Variants in RTKN2 observed in about 807,000 individuals in gnomAD.
RTKN2 encodes rhotekin 2.
Under a neutral mutation model 71.5 loss-of-function variants are expected in RTKN2, and 69 were observed. The ratio of observed to expected loss-of-function variants is 0.96; its 90% CI spans 0.79 to 1.18. The LOEUF (loss-of-function observed/expected upper bound fraction) is 1.18. Ranked by LOEUF, RTKN2 falls within the 50% of genes most tolerant of loss-of-function variation. The pLI, the probability that RTKN2 is intolerant of heterozygous loss-of-function variation, is 0.00. For missense variants in RTKN2, 724 were observed against 719.7 expected, an observed-to-expected ratio of 1.01 and a Z score of -0.07; for synonymous variants, 236 against 236.5, an observed-to-expected ratio of 1.00 and a Z score of 0.02.
chr10:62,266,376 T>C (rs1022259680), intron 1 of RTKN2, among the ~76,000 whole-genome samples: 3 of 152,148 alleles, frequency 2.0e-5, no homozygotes, highest in Non-Finnish European at 4.4e-5. Flanking sequence ...AAACTATGAT[T>C]CACCTAATGG....
At chr10:62,223,823 A>G (rs921180531) in intron 6 of RTKN2, among the ~76,000 whole-genome samples, 1 of 152,178 alleles carries the variant, frequency 6.6e-6, no homozygotes, top group Admixed American at 6.5e-5. Flanking sequence ...TCTGATATAT[A>G]CCCAAAAGAA....
chr10:62,190,964 T>C (rs113152397), downstream of RTKN2, among the ~76,000 whole-genome samples: 1,437 of 152,230 alleles, frequency 9.4e-3, 20 homozygotes, highest in African/African-American at 0.031. Context: ...TTCATTCCTT[T>C]CCACTTCTAT....
chr10:62,208,700 A>C (rs1342077559), intron 9 of RTKN2, among the ~76,000 whole-genome samples: 1 of 152,092 alleles, frequency 6.6e-6, no homozygotes, highest in Non-Finnish European at 1.5e-5. Context: ...AACAAAAAAA[A>C]CCCCAAGCAC....
chr10:62,193,170 T>C lies in RTKN2; in HGVS notation c.*4738A>G. 1.3e-6 allele frequency: 1 copy of C among 775,402 alleles called. No individual in the cohort carries two copies. The highest frequency in any genetic ancestry group is 1.6e-6 in the Non-Finnish European group (1 of 638,542). The allele number at this position is 775,402 out of a possible 1,614,324, so 48.0% of individuals were successfully genotyped here. A position where few individuals can be genotyped will look rare whatever the true frequency, so the allele number is the denominator to read the frequency against. ...GTAGATAAACAAAATATAAAAATAT[T>C]TTTAAGCAAGACACCAAAAAGTATT... On this transcript the variant is annotated 3_prime_UTR_variant, in exon 12 of 12. Transcript: ENST00000373789.
At chr10:62,240,028 A>C (rs186555162) in intron 4 of RTKN2, among the ~76,000 whole-genome samples, 2 of 152,096 alleles carry the variant, frequency 1.3e-5, no homozygotes, top group African/African-American at 4.8e-5. Context: ...CAAACTCATA[A>C]ATTTTATTCC....
chr10:62,217,252 G>GAAAAAA lies in RTKN2; in HGVS notation c.889-9_889-4dup. On this transcript the variant is annotated splice_region_variant and splice_polypyrimidine_tract_variant and intron_variant, in intron 8 of 11. Transcript: ENST00000373789. ...CTAATCAGACCTTCTACCATTTGCT[G>GAAAAAA]AAAAAAAAAAAAAAAAAATCAAGAG... The GAAAAAA allele has an allele frequency of 7.8e-7, 1 of 1,287,180 alleles. No individual in the cohort carries two copies. The highest frequency in any genetic ancestry group is 2.7e-5 in the Admixed American group (1 of 37,716). The allele number at this position is 1,287,180 out of a possible 1,614,324, so 79.7% of individuals were successfully genotyped here. A position where few individuals can be genotyped will look rare whatever the true frequency, so the allele number is the denominator to read the frequency against.
At chr10:62,226,885 C>T (rs759184034) in intron 6 of RTKN2, among the ~76,000 whole-genome samples, 10 of 152,108 alleles carry the variant, frequency 6.6e-5, no homozygotes, top group African/African-American at 1.4e-4. Context: ...TGCTTGAACC[C>T]GGGAGGCGGA....
downstream of RTKN2, among the ~76,000 whole-genome samples, chr10:62,191,810 T>C (rs377677588): frequency 5.9e-5 from 9 of 152,176 alleles, no homozygotes; most frequent in African/African-American, 2.2e-4. Flanking sequence ...TAAACTTTTA[T>C]GCACTGTGAG....
chr10:62,258,128 G>A (rs1842707832), intron 2 of RTKN2, among the ~76,000 whole-genome samples: 1 of 152,154 alleles, frequency 6.6e-6, no homozygotes, highest in African/African-American at 2.4e-5. Flanking sequence ...AATGATATTA[G>A]TGATTTCTTA....
intron 7 of RTKN2, among the ~76,000 whole-genome samples, chr10:62,221,472 A>T (rs1841905689): frequency 6.6e-6 from 1 of 152,092 alleles, no homozygotes; most frequent in Non-Finnish European, 1.5e-5. Flanking sequence ...AGCTTCGGTA[A>T]AAAAAAGATT....
intron 6 of RTKN2, among the ~76,000 whole-genome samples, chr10:62,232,107 G>T (rs189755859): frequency 6.6e-6 from 1 of 152,050 alleles, no homozygotes; most frequent in Non-Finnish European, 1.5e-5. Context: ...CAAATGGCAC[G>T]CAAGATTCAA....
chr10:62,185,726 A>G (rs1841125393), intron 8 of RTKN2, among the ~76,000 whole-genome samples: 1 of 152,218 alleles, frequency 6.6e-6, no homozygotes, highest in Admixed American at 6.5e-5. Context: ...GACCCGGTTA[A>G]CCTGACATCT....
At position 62,241,792 on chromosome 10, in the gene RTKN2, G is replaced by A. The variant is rs183225254; in HGVS notation, c.317-597C>T. 2.2e-4 allele frequency among the ~76,000 whole-genome samples: 33 copies of A among 152,194 alleles called. 1 individual carries two copies. The East Asian group carries it at 3.9e-3, about 18-fold the overall frequency. Reference sequence around the variant, plus strand: ...CAGCTCACTGCAACCTCCGCCTCCTGGGTTTAAGTGATTCTCCAGCCTCAG... The same window carrying A: ...CAGCTCACTGCAACCTCCGCCTCCTAGGTTTAAGTGATTCTCCAGCCTCAG... On this transcript the variant is annotated intron_variant, in intron 3 of 11. Coordinates refer to ENST00000373789, the MANE Select transcript of RTKN2 (RefSeq NM_145307.4).
intron 1 of RTKN2, 113 bp from the exon 2 acceptor site, chr10:62,262,934 G>A: frequency 1.7e-6 from 1 of 601,972 alleles, no homozygotes; most frequent in South Asian, 2.6e-5. Flanking sequence ...AAGCAACAAA[G>A]TTTTAATATA....
chr10:62,184,075 G>A (rs1841096756), exon 9 of RTKN2: 10 of 404,520 alleles, frequency 2.5e-5, no homozygotes, highest in South Asian at 5.4e-5. Context: ...TGAAGTGACT[G>A]TCCAAATAGC....
Position 62,202,046 on chromosome 10 carries a change from GTTAAATATTTT to G in RTKN2, c.1187-2196_1187-2186del, listed in dbSNP as rs1024101761. 4.6e-5 allele frequency among the ~76,000 whole-genome samples: 7 copies of G among 151,756 alleles called. 1 individual carries two copies. Among genetic ancestry groups the G allele is most frequent in the African/African-American group, 1.7e-4 (7 of 41,378 alleles). On this transcript the variant is annotated intron_variant, in intron 10 of 11. Coordinates refer to ENST00000373789, the MANE Select transcript of RTKN2 (RefSeq NM_145307.4). ...CCTAATGTAACTCAATATTTATATT[GTTAAATATTTT>G]TTAAAAATTTAATGTTCCAAATCTA...
At chr10:62,233,500 A>G (rs1842193298) in intron 6 of RTKN2, among the ~76,000 whole-genome samples, 1 of 152,152 alleles carries the variant, frequency 6.6e-6, no homozygotes, top group Admixed American at 6.5e-5. Flanking sequence ...GACATCTTCT[A>G]TGACTGTTTT....
At chr10:62,186,102 G>A (rs973884171) in intron 8 of RTKN2, among the ~76,000 whole-genome samples, 1 of 152,246 alleles carries the variant, frequency 6.6e-6, no homozygotes, top group Admixed American at 6.5e-5. Context: ...ACTGTATGGT[G>A]TGGGCCGTGG....
rs779143754 is a variant in RTKN2, at chr10:62,199,846, CAG to C, written c.1200_1201del (p.His400GlnfsTer3). ...CTCAATTTTCATAAGTTCTTCACAA[CAG>C]TGCTTCCATTGGCCTAAGACAGACA... On this transcript the variant is annotated frameshift_variant, in exon 11 of 12. Transcript: ENST00000373789. LOFTEE classifies it high-confidence loss of function. 1.9e-6 allele frequency: 3 copies of C among 1,611,306 alleles called. No individual in the cohort carries two copies. Among genetic ancestry groups the C allele is most frequent in the African/African-American group, 1.3e-5 (1 of 74,870 alleles).
Sources: allele counts gnomAD v4.1 joint callset (sites outside exome capture counted in the v4.1 genomes callset), GRCh38; gene constraint gnomAD v4.1.1; transcripts MANE v1.5; gene names NCBI Gene and HGNC (gene_info 2026-07-23, HGNC 2026-07-21).